Variants in CNGB3 observed in about 807,000 individuals in gnomAD.
The protein encoded by CNGB3 is cyclic nucleotide-gated channel beta-3.
In CNGB3, 86 loss-of-function variants were observed where a neutral mutation model predicts 92.8. That is an observed-to-expected ratio of 0.93 (90% CI 0.78 to 1.11). The LOEUF (loss-of-function observed/expected upper bound fraction) is 1.11. CNGB3 is among the 50% of genes least tolerant of loss of function. The probability of loss-of-function intolerance (pLI) is 0.00; values close to 1 mark genes in which losing one functional copy is unlikely to be tolerated. For synonymous variants in CNGB3, 333 were observed against 332.7 expected, an observed-to-expected ratio of 1.00 and a Z score of -0.01; for missense variants, 1,026 against 956.8, an observed-to-expected ratio of 1.07 and a Z score of -0.95.
chr8:86,715,319 C>T (rs1369736827), intron 3 of CNGB3, among the ~76,000 whole-genome samples: 1 of 152,162 alleles, frequency 6.6e-6, no homozygotes, highest in African/African-American at 2.4e-5. Flanking sequence ...TCCACTGGAG[C>T]AGGTTTTGGT....
chr8:86,644,160 C>T (rs980874075), intron 9 of CNGB3, among the ~76,000 whole-genome samples: 2 of 151,248 alleles, frequency 1.3e-5, no homozygotes, highest in Non-Finnish European at 3.0e-5. Context: ...TCAAAGGTCA[C>T]TTCTTCAGTT....
chr8:86,706,318 A>G (rs1005746916), intron 3 of CNGB3, among the ~76,000 whole-genome samples: 2 of 152,172 alleles, frequency 1.3e-5, no homozygotes, highest in African/African-American at 4.8e-5. Context: ...GTCTACATGA[A>G]CCATATGTTA....
At chr8:86,682,762 T>A (rs1425628133) in intron 3 of CNGB3, among the ~76,000 whole-genome samples, 7 of 152,036 alleles carry the variant, frequency 4.6e-5, no homozygotes, top group Non-Finnish European at 4.4e-5. Context: ...CATGTGAGGC[T>A]TAGAGAAACC....
intron 13 of CNGB3, among the ~76,000 whole-genome samples, chr8:86,621,635 C>T (rs547070617): frequency 6.8e-4 from 104 of 152,206 alleles, no homozygotes; most frequent in Admixed American, 5.0e-3. Context: ...CCTTCACCCC[C>T]CTTCCCACCC....
At chr8:86,594,402 A>C (rs1822124106) in intron 15 of CNGB3, 1 of 288,666 alleles carries the variant, frequency 3.5e-6, no homozygotes, top group Non-Finnish European at 6.7e-6. Flanking sequence ...TCCCCAAACC[A>C]GGCGTGCTTG....
At chr8:86,632,319 G>A (rs1822978550) in intron 11 of CNGB3, among the ~76,000 whole-genome samples, 1 of 151,854 alleles carries the variant, frequency 6.6e-6, no homozygotes, top group African/African-American at 2.4e-5. Flanking sequence ...ACAAGGAGAT[G>A]CTATAGTAAA....
intron 3 of CNGB3, among the ~76,000 whole-genome samples, chr8:86,716,467 G>A (rs1272097858): frequency 6.6e-6 from 1 of 152,132 alleles, no homozygotes. Context: ...GAGCTCTGAG[G>A]CAAAAACATC....
intron 13 of CNGB3, 71 bp downstream of exon 13, chr8:86,625,912 G>T: frequency 8.0e-7 from 1 of 1,242,532 alleles, no homozygotes; most frequent in Non-Finnish European, 1.2e-6. Flanking sequence ...ACTCATAAAT[G>T]CTGTATAAAT....
chr8:86,739,296 C>T (rs892238766), intron 2 of CNGB3, among the ~76,000 whole-genome samples: 2 of 152,126 alleles, frequency 1.3e-5, no homozygotes, highest in African/African-American at 2.4e-5. Flanking sequence ...CTTCATATTG[C>T]TTATCAATGT....
At chr8:86,734,716 A>G (rs1241026209) in intron 2 of CNGB3, among the ~76,000 whole-genome samples, 2 of 152,204 alleles carry the variant, frequency 1.3e-5, no homozygotes, top group African/African-American at 4.8e-5. Context: ...AAGGTGTAAC[A>G]CCTGGCAGAA....
chr8:86,703,591 C>G (rs1586026763), intron 3 of CNGB3, among the ~76,000 whole-genome samples: 1 of 152,232 alleles, frequency 6.6e-6, no homozygotes, highest in South Asian at 2.1e-4. Flanking sequence ...TGTTCAAAGG[C>G]CGTTCTAAGC....
chr8:86,717,265 T>G (rs1824873141), intron 3 of CNGB3, among the ~76,000 whole-genome samples: 1 of 151,874 alleles, frequency 6.6e-6, no homozygotes, highest in African/African-American at 2.4e-5. Context: ...AACACAATAA[T>G]AGTGGGGGAC....
chr8:86,713,274 A>G (rs1440560230), intron 3 of CNGB3, among the ~76,000 whole-genome samples: 1 of 152,190 alleles, frequency 6.6e-6, no homozygotes, highest in Non-Finnish European at 1.5e-5. Flanking sequence ...TTCTAGAAAA[A>G]TGGTTCTCCA....
chr8:86,714,077 C>G lies in CNGB3; in HGVS notation c.338+12454G>C, dbSNP rs1824800961. 2.0e-5 allele frequency among the ~76,000 whole-genome samples: 3 copies of G among 152,148 alleles called. No individual in the cohort carries two copies. In the South Asian group the frequency reaches 6.2e-4, roughly 32 times the overall value. On this transcript the variant is annotated intron_variant, in intron 3 of 17. Coordinates refer to ENST00000320005, the MANE Select transcript of CNGB3 (RefSeq NM_019098.5). ...CGGTCCACTCTTGGTGTTGAACATT[C>G]TATGAGTTAGGACAAATTTATAATG...
intron 13 of CNGB3, among the ~76,000 whole-genome samples, chr8:86,618,061 C>T (rs1822651189): frequency 6.6e-6 from 1 of 152,146 alleles, no homozygotes; most frequent in Non-Finnish European, 1.5e-5. Context: ...GCATTAGATT[C>T]TCATAAGGCA....
At chr8:86,580,874 C>T (rs2131534399) in intron 15 of CNGB3, among the ~76,000 whole-genome samples, 1 of 152,286 alleles carries the variant, frequency 6.6e-6, no homozygotes, top group South Asian at 2.1e-4. Context: ...AGAAGGATCA[C>T]ATTAACAAAA....
In CNGB3 at chr8:86,594,292, TTGGAAGGAG is replaced by T. The variant is rs1409347859; in HGVS notation, c.1781+9792_1781+9800del. ...GGATGCCCTCCGCCATCTGGAAGGC[TTGGAAGGAG>T]TGGGAGAAGTCTACACCTGAGTCTG... On this transcript the variant is annotated intron_variant, in intron 15 of 17. Coordinates refer to ENST00000320005, the MANE Select transcript of CNGB3 (RefSeq NM_019098.5). 2.1e-5 allele frequency: 6 copies of T among 283,102 alleles called. No homozygotes were observed. The Admixed American group carries it at 2.6e-4, about 12-fold the overall frequency. 17.5% of individuals were successfully genotyped at this position (283,102 alleles called of 1,614,324 possible).
chr8:86,650,452 C>G (rs1300230115), intron 7 of CNGB3, among the ~76,000 whole-genome samples: 1 of 150,782 alleles, frequency 6.6e-6, no homozygotes, highest in Non-Finnish European at 1.5e-5. Flanking sequence ...TATTTCAGCC[C>G]AATTCATAAT....
intron 3 of CNGB3, among the ~76,000 whole-genome samples, chr8:86,718,788 C>G (rs573332633): frequency 8.4e-5 from 12 of 143,194 alleles, no homozygotes; most frequent in Non-Finnish European, 1.4e-4. Context: ...ACTAGCTAAC[C>G]AAACCTAACA....
Sources: allele counts gnomAD v4.1 joint callset (sites outside exome capture counted in the v4.1 genomes callset), GRCh38; gene constraint gnomAD v4.1.1; transcripts MANE v1.5; gene names NCBI Gene and HGNC (gene_info 2026-07-23, HGNC 2026-07-21).